The following DESI2 variants were observed in gnomAD, a reference collection of about 807,000 sequenced individuals.
The protein encoded by DESI2 is deubiquitinase DESI2.
A neutral mutation model predicts 24.1 loss-of-function variants in DESI2; 10 were observed. The ratio of observed to expected loss-of-function variants is 0.41; its 90% CI spans 0.26 to 0.70. The LOEUF (loss-of-function observed/expected upper bound fraction) is 0.70. Among genes scored for constraint, DESI2 ranks in the 30% least tolerant of loss-of-function variants. The pLI, the probability that DESI2 is intolerant of heterozygous loss-of-function variation, is 0.29. For synonymous variants in DESI2, 71 were observed against 87.7 expected, an observed-to-expected ratio of 0.81 and a Z score of 1.06; for missense variants, 122 against 234.9, an observed-to-expected ratio of 0.52 and a Z score of 3.14.
rs764795596 is a variant in DESI2 at position 244,705,667 on chromosome 1, C to T, written c.463C>T (p.Leu155=). 1 of 1,614,218 alleles carries T rather than the reference C, an allele frequency of 6.2e-7. No individual in the cohort carries two copies. The highest frequency in any genetic ancestry group is 2.2e-5 in the East Asian group (1 of 44,876). The change falls in exon 5 of 5, where the codon CTG becomes TTG. Residue 155 remains leucine, a synonymous_variant. Coordinates refer to ENST00000302550, the MANE Select transcript of DESI2 (RefSeq NM_016076.5). ...GAAGGAGTGGCTCACGCCCGCAGCC[C>T]TGCAGTCTAGTGTCAGCCAAGAACT... is the stretch of plus-strand genomic sequence containing the variant. ...LPKEWLTPAA[L]QSSVSQELQD... is the part of the protein sequence containing the mutation.
chr1:244,695,036 T>G (rs916124102), intron 4 of DESI2, among the ~76,000 whole-genome samples: 1 of 152,222 alleles, frequency 6.6e-6, no homozygotes, highest in African/African-American at 2.4e-5. Context: ...GTGTCTCAAC[T>G]GTGAGTGTCA....
At chr1:244,684,571 G>A (rs528111145) in intron 1 of DESI2, among the ~76,000 whole-genome samples, 48 of 151,618 alleles carry the variant, frequency 3.2e-4, no homozygotes, top group African/African-American at 1.1e-3. Context: ...AATATCTATC[G>A]AGTTACCTCA....
At position 244,681,879 on chromosome 1, in the gene DESI2, T is replaced by G. The variant is rs141248225; in HGVS notation, c.43-4718T>G. Among the ~76,000 whole-genome samples, 603 of 152,320 alleles carry G rather than the reference T, an allele frequency of 4.0e-3. 6 individuals carry two copies. The highest frequency in any genetic ancestry group is 0.014 in the African/African-American group (568 of 41,568). ...ACTTCTGTTTCCAGAATTGGTTCCTTCCGGTGGGTTCTTGGTCTCACTGAC... is the reference window on the plus strand; with the variant it reads ...ACTTCTGTTTCCAGAATTGGTTCCTGCCGGTGGGTTCTTGGTCTCACTGAC... On this transcript the variant is annotated intron_variant, in intron 1 of 4. Transcript: ENST00000302550.
chr1:244,683,322 C>T (rs964647318), intron 1 of DESI2, among the ~76,000 whole-genome samples: 335 of 151,860 alleles, frequency 2.2e-3, no homozygotes, highest in African/African-American at 7.9e-3. Flanking sequence ...TTACTTTTTT[C>T]TTTTTTTGAG....
At chr1:244,696,226 G>A (rs759970905) in intron 4 of DESI2, among the ~76,000 whole-genome samples, 7 of 152,046 alleles carry the variant, frequency 4.6e-5, no homozygotes, top group Non-Finnish European at 5.9e-5. Context: ...AATAAACAAC[G>A]TTCAGATTTC....
chr1:244,683,334 C>G (rs1415107910), intron 1 of DESI2, among the ~76,000 whole-genome samples: 4 of 151,286 alleles, frequency 2.6e-5, no homozygotes, highest in Admixed American at 1.3e-4. Context: ...TTTTTTGAGA[C>G]AGAGTCTCGC....
chr1:244,698,891 T>G (rs992849281), intron 4 of DESI2, among the ~76,000 whole-genome samples: 2 of 152,216 alleles, frequency 1.3e-5, no homozygotes, highest in Non-Finnish European at 2.9e-5. Flanking sequence ...ACTGATTACA[T>G]TCCTAACTTG....
At chr1:244,679,969 T>C (rs950723759) in intron 1 of DESI2, among the ~76,000 whole-genome samples, 5 of 150,784 alleles carry the variant, frequency 3.3e-5, no homozygotes, top group Admixed American at 1.3e-4. Flanking sequence ...ATTGAATATA[T>C]AGTCTATATT....
intron 1 of DESI2, among the ~76,000 whole-genome samples, chr1:244,655,994 C>A (rs956253625): frequency 2.0e-5 from 3 of 152,140 alleles, no homozygotes; most frequent in Non-Finnish European, 4.4e-5. Flanking sequence ...AAATTTTGGT[C>A]TGTTATACTA....
At chr1:244,657,034 A>G (rs2148777883) in intron 1 of DESI2, among the ~76,000 whole-genome samples, 1 of 152,318 alleles carries the variant, frequency 6.6e-6, no homozygotes, top group African/African-American at 2.4e-5. Flanking sequence ...CAGCGTCCCA[A>G]AGTTCTGGGA....
chr1:244,665,965 G>A (rs558681472), intron 1 of DESI2, among the ~76,000 whole-genome samples: 4 of 152,218 alleles, frequency 2.6e-5, no homozygotes, highest in African/African-American at 4.8e-5. Flanking sequence ...TCTACACCGC[G>A]GCAGCTGAAT....
chr1:244,694,128 A>G (rs561010516), intron 4 of DESI2, among the ~76,000 whole-genome samples: 14 of 152,304 alleles, frequency 9.2e-5, no homozygotes, highest in African/African-American at 2.6e-4. Flanking sequence ...TTTCTGTTAA[A>G]TTGTTCTTAA....
At chr1:244,683,264 C>G (rs1046160427) in intron 1 of DESI2, among the ~76,000 whole-genome samples, 2 of 152,124 alleles carry the variant, frequency 1.3e-5, no homozygotes, top group African/African-American at 4.8e-5. Flanking sequence ...TACGTGTACA[C>G]ATGGGCCTAG....
chr1:244,694,482 C>A, intron 4 of DESI2: 1 of 790,990 alleles, frequency 1.3e-6, no homozygotes. Flanking sequence ...AGGTGGTGTT[C>A]CTTCACGGAA....
intron 1 of DESI2, among the ~76,000 whole-genome samples, chr1:244,678,188 ATCTC>A (rs1192444635): frequency 6.6e-6 from 1 of 152,226 alleles, no homozygotes; most frequent in African/African-American, 2.4e-5. Flanking sequence ...TTTAGGCCAC[ATCTC>A]ATTATAGTGA....
chr1:244,664,036 AAAAAAAAATTAT>A (rs898685870), intron 1 of DESI2, among the ~76,000 whole-genome samples: 1 of 150,292 alleles, frequency 6.7e-6, no homozygotes, highest in African/African-American at 2.5e-5. Context: ...AAAAAAAAAA[AAAAAAAAATTAT>A]TTAAGAACTT....
intron 4 of DESI2, among the ~76,000 whole-genome samples, chr1:244,694,258 C>T (rs1677128548): frequency 6.6e-6 from 1 of 152,162 alleles, no homozygotes; most frequent in African/African-American, 2.4e-5. Flanking sequence ...GTCATCTGTC[C>T]TTGTACAGCC....
At chr1:244,685,410 T>C (rs1676784588) in intron 1 of DESI2, among the ~76,000 whole-genome samples, 1 of 152,216 alleles carries the variant, frequency 6.6e-6, no homozygotes, top group South Asian at 2.1e-4. Context: ...AATTCTTATA[T>C]ATACAAGGGT....
At chr1:244,694,972 C>A (rs772287074) in intron 4 of DESI2, among the ~76,000 whole-genome samples, 2 of 152,170 alleles carry the variant, frequency 1.3e-5, no homozygotes, top group Non-Finnish European at 2.9e-5. Context: ...ATTGAGGAAA[C>A]GTTATCTTAC....
Sources: gnomAD v4.1 joint callset for allele counts (sites outside exome capture counted in the v4.1 genomes callset) on GRCh38, gnomAD v4.1.1 for gene constraint, MANE v1.5 for transcripts, NCBI Gene and HGNC (gene_info 2026-07-23, HGNC 2026-07-21) for gene names.